Variants in FANCM observed in about 807,000 individuals in gnomAD.
FANCM encodes the protein Fanconi anemia group M protein.
A neutral mutation model predicts 199.5 loss-of-function variants in FANCM; 140 were observed. The ratio of observed to expected loss-of-function variants is 0.70; its 90% CI spans 0.61 to 0.81. FANCM has a LOEUF of 0.81. FANCM is among the 30% of genes least tolerant of loss of function. The probability of loss-of-function intolerance (pLI) is 0.00; values close to 1 mark genes in which losing one functional copy is unlikely to be tolerated. For synonymous variants in FANCM, 840 were observed against 836.8 expected, an observed-to-expected ratio of 1.00 and a Z score of -0.07; for missense variants, 2,410 against 2,421.4, an observed-to-expected ratio of 1.00 and a Z score of 0.10.
At position 45,175,967 on chromosome 14, in the gene FANCM, T is replaced by C; in HGVS notation, c.3213T>C (p.Asn1071=). ...SEKSCLYDIP[N]DNISDEPSLC... is the part of the protein sequence containing the mutation. ...AAAGTTGCCTTTATGATATACCTAA[T>C]GATAATATTTCTGATGAGCCAAGTC... is the stretch of plus-strand genomic sequence containing the variant. Residue 1071 remains asparagine (N), a synonymous_variant, in exon 14 of 23, where the codon AAT becomes AAC. Coordinates refer to ENST00000267430, the MANE Select transcript of FANCM (RefSeq NM_020937.4). 1 of 1,613,544 alleles carries C rather than the reference T, an allele frequency of 6.2e-7. No homozygotes were observed. Among genetic ancestry groups the C allele is most frequent in the African/African-American group, 1.3e-5 (1 of 75,028 alleles).
intron 17 of FANCM, 111 bp downstream of exon 17, chr14:45,184,013 G>A: frequency 1.3e-6 from 1 of 749,892 alleles, no homozygotes; most frequent in Non-Finnish European, 2.1e-6. Flanking sequence ...AAAAAATTAA[G>A]TATTTTGACA....
Position 45,142,002 on chromosome 14 carries a change from C to T in FANCM, c.759+1293C>T, listed in dbSNP as rs568180496. 2.2e-4 allele frequency among the ~76,000 whole-genome samples: 34 copies of T among 152,156 alleles called. No homozygotes were observed. In the South Asian group the frequency reaches 5.4e-3, roughly 24 times the overall value. ...GTAAAATGATTTTTAAAAGTTGTTACTGTTTTCAGTTTTTTAAAGTTTTGT... is the reference window on the plus strand; with the variant it reads ...GTAAAATGATTTTTAAAAGTTGTTATTGTTTTCAGTTTTTTAAAGTTTTGT... On this transcript the variant is annotated intron_variant, in intron 3 of 22. Transcript: ENST00000267430.
intron 14 of FANCM, 117 bp downstream of exon 14, chr14:45,177,093 T>G: frequency 1.5e-6 from 1 of 662,544 alleles, no homozygotes; most frequent in South Asian, 1.9e-5. Context: ...AATATTGAAT[T>G]AGATAATTGA....
At chr14:45,159,067 GTAAT>G in intron 8 of FANCM, 25 bp from the exon 9 acceptor site, 1 of 1,374,050 alleles carries the variant, frequency 7.3e-7, no homozygotes, top group Non-Finnish European at 1.0e-6. Context: ...GTAAAAAGTT[GTAAT>G]TAAAGTTTTT....
chr14:45,177,060 T>A, intron 14 of FANCM, 84 bp downstream of exon 14: 2 of 842,782 alleles, frequency 2.4e-6, no homozygotes, highest in Non-Finnish European at 2.0e-6. Flanking sequence ...CAAATGTAAT[T>A]TTTTAGTACA....
chr14:45,164,016 C>T (rs1231192416), intron 9 of FANCM, among the ~76,000 whole-genome samples: 1 of 152,188 alleles, frequency 6.6e-6, no homozygotes, highest in African/African-American at 2.4e-5. Flanking sequence ...ACAGTCATAG[C>T]TCACTTGCAG....
At chr14:45,159,990 G>GGTTTTTTTTTT (rs1887469827) in intron 9 of FANCM, among the ~76,000 whole-genome samples, 1 of 147,664 alleles carries the variant, frequency 6.8e-6, no homozygotes, top group Admixed American at 6.8e-5. Flanking sequence ...TAGTAGATGA[G>GGTTTTTTTTTT]GTTTTTTTTT....
chr14:45,198,632 A>G lies in FANCM; in HGVS notation c.5717-12A>G, dbSNP rs1890199600. The G allele has an allele frequency of 6.3e-7, 1 of 1,596,516 alleles. No homozygotes were observed. The highest frequency in any genetic ancestry group is 1.3e-5 in the African/African-American group (1 of 74,742). On this transcript the variant is annotated splice_polypyrimidine_tract_variant and intron_variant, in intron 21 of 22. Coordinates refer to ENST00000267430, the MANE Select transcript of FANCM (RefSeq NM_020937.4). ...TACTGAAGTTTGCCTTTCCCTAAAT[A>G]TGAATATTTAGGAGACACATCAAGG... is the stretch of plus-strand genomic sequence containing the variant.
At chr14:45,179,561 C>CTTTT (rs36031280) in intron 14 of FANCM, among the ~76,000 whole-genome samples, 94 of 95,452 alleles carry the variant, frequency 9.8e-4, no homozygotes, top group East Asian at 2.4e-3. Context: ...TTCTTTCTTT[C>CTTTT]TTTTTTTTTT....
intron 3 of FANCM, among the ~76,000 whole-genome samples, chr14:45,141,146 G>C (rs1314857363): frequency 6.6e-6 from 1 of 151,656 alleles, no homozygotes; most frequent in Non-Finnish European, 1.5e-5. Flanking sequence ...AAATTAACCG[G>C]GCGTGGTGGT....
rs1888616428 is a variant in FANCM at position 45,175,492 on chromosome 14, A to T, written c.2738A>T (p.Asn913Ile). Residue 913 changes from asparagine (N) to isoleucine (I), a missense_variant, in exon 14 of 23, where the codon AAT (asparagine) becomes ATT (isoleucine). Physicochemically the swap from Asn to Ile is moderately radical, Grantham distance 149. Coordinates refer to ENST00000267430, the MANE Select transcript of FANCM (RefSeq NM_020937.4). ...TDEIAATCTI[N>I]ENVIKEPCVL... Reference sequence around the variant, plus strand: ...GAAATTGCTGCCACATGTACTATTAATGAAAATGTTATTAAAGAACCGTGT... The same window carrying T: ...GAAATTGCTGCCACATGTACTATTATTGAAAATGTTATTAAAGAACCGTGT... The T allele has an allele frequency of 6.2e-7, 1 of 1,612,768 alleles. No individual in the cohort carries two copies. The highest frequency in any genetic ancestry group is 1.1e-5 in the South Asian group (1 of 90,842).
Position 45,200,104 on chromosome 14 carries a change from ATATTT to A in FANCM, c.*102_*106del, listed in dbSNP as rs1890282386. The stretch of plus-strand genomic sequence containing the variant: ...TTTATGTTTATTTGTAAATAAGAGA[ATATTT>A]TATTTAAATATTTTATATTGTATAC... On this transcript the variant is annotated 3_prime_UTR_variant, in exon 23 of 23. Coordinates refer to ENST00000267430, the MANE Select transcript of FANCM (RefSeq NM_020937.4). 8.3e-6 allele frequency: 5 copies of A among 604,044 alleles called. No homozygotes were observed. The highest frequency in any genetic ancestry group is 3.4e-5 in the Admixed American group (1 of 29,272). The allele number at this position is 604,044 out of a possible 1,614,324, so 37.4% of individuals were successfully genotyped here. A position where few individuals can be genotyped will look rare whatever the true frequency, so the allele number is the denominator to read the frequency against.
rs751314954 is a variant in FANCM, at chr14:45,175,753, C to G, written c.2999C>G (p.Pro1000Arg). The G allele has an allele frequency of 1.8e-5, 29 of 1,613,554 alleles. 1 individual carries two copies. In the Admixed American group the frequency reaches 4.7e-4, roughly 26 times the overall value. ...AGATTTTTATCTTATTCTCCTCCGC[C>G]TCTCAGTGGACTCTCAGACTTGGAA... ...VERFLSYSPP[P>R]LSGLSDLEYE... The change falls in exon 14 of 23, where the codon CCT (proline) becomes CGT (arginine). Residue 1000 changes from proline (P) to arginine (R), a missense_variant. Physicochemically the swap from Pro to Arg is moderately radical, Grantham distance 103. Transcript: ENST00000267430.
intron 20 of FANCM, among the ~76,000 whole-genome samples, chr14:45,190,529 T>G (rs987966628): frequency 6.6e-6 from 1 of 152,154 alleles, no homozygotes; most frequent in Non-Finnish European, 1.5e-5. Context: ...TATAGTCTTC[T>G]TATCTGAAAT....
At chr14:45,180,101 A>C (rs866624702) in intron 14 of FANCM, among the ~76,000 whole-genome samples, 4 of 151,936 alleles carry the variant, frequency 2.6e-5, no homozygotes, top group Admixed American at 6.6e-5. Context: ...TGTTATGGCA[A>C]CTCCCTATTT....
intron 9 of FANCM, among the ~76,000 whole-genome samples, chr14:45,161,943 C>T (rs910989847): frequency 2.0e-5 from 3 of 152,098 alleles, no homozygotes; most frequent in Non-Finnish European, 2.9e-5. Flanking sequence ...TGGTTAAGTT[C>T]TGGATGTATT....
In FANCM at chr14:45,189,069, A is replaced by G; in HGVS notation, c.5047A>G (p.Lys1683Glu). 2 of 1,614,188 alleles carry G rather than the reference A, an allele frequency of 1.2e-6. No homozygotes were observed. Among genetic ancestry groups the G allele is most frequent in the Non-Finnish European group, 1.7e-6 (2 of 1,179,978 alleles). Residue 1683 changes from lysine (K) to glutamate (E), a missense_variant, in exon 20 of 23, where the codon AAA becomes GAA. Physicochemically the swap from Lys to Glu is moderately conservative, Grantham distance 56 (BLOSUM62 1). Coordinates refer to ENST00000267430, the MANE Select transcript of FANCM (RefSeq NM_020937.4). ...TGAGGAGGAGAACAATGTAAATGAT[A>G]AAAGAGAATCTAATATTGCGGTTAA... ...SSEEENNVNDKRESNIAVNPS... is the reference protein window; with the variant it reads ...SSEEENNVNDERESNIAVNPS...
rs2139234741 is a variant in FANCM at position 45,173,106 on chromosome 14, C to T, written c.2212C>T (p.Leu738=). The T allele has an allele frequency of 1.2e-5, 20 of 1,611,138 alleles. No individual in the cohort carries two copies. The highest frequency in any genetic ancestry group is 1.7e-5 in the Non-Finnish European group (20 of 1,177,488). The change falls in exon 13 of 23, where the codon CTG becomes TTG. Residue 738 remains leucine, a synonymous_variant. Coordinates refer to ENST00000267430, the MANE Select transcript of FANCM (RefSeq NM_020937.4). ...IHQLSLSEWR[L]WQDHPLPTHQ... ...TCAACTCTCTCTCTCTGAATGGAGA[C>T]TGTGGCAAGATCATCCTTTGCCTAC...
At chr14:45,179,542 T>C (rs576524716) in intron 14 of FANCM, among the ~76,000 whole-genome samples, 2 of 150,136 alleles carry the variant, frequency 1.3e-5, no homozygotes, top group East Asian at 3.9e-4. Context: ...ATAGATTAGG[T>C]ACATCATTTT....
Sources: gnomAD v4.1 joint callset for allele counts (sites outside exome capture counted in the v4.1 genomes callset) on GRCh38, gnomAD v4.1.1 for gene constraint, MANE v1.5 for transcripts, NCBI Gene and HGNC (gene_info 2026-07-23, HGNC 2026-07-21) for gene names.